STS: variants seen among roughly 807,000 people sequenced by gnomAD.
The protein encoded by STS is steryl-sulfatase.
STS carries 7 observed loss-of-function variants against 26.8 expected under a neutral mutation model. The observed-to-expected ratio is 0.26, with a 90% CI of 0.15 to 0.49. STS has a LOEUF of 0.49. STS is among the 20% of genes least tolerant of loss of function. STS has a pLI of 0.98. For missense variants in STS, 434 were observed against 465.6 expected, an observed-to-expected ratio of 0.93 and a Z score of 0.63; for synonymous variants, 199 against 189.4, an observed-to-expected ratio of 1.05 and a Z score of -0.42.
Position 7,174,449 on chromosome X carries a change from G to T in STS, c.-133-16431G>T, listed in dbSNP as rs753431416. ...TAAACTGCATGCAACTTCTGAAACT[G>T]TAATAACAGACATATTTACTCACCA... On this transcript the variant is annotated intron_variant, in intron 1 of 10. Transcript: ENST00000674429. Among the ~76,000 whole-genome samples, 3 of 111,706 alleles carry T rather than the reference G, an allele frequency of 2.7e-5. No individual in the cohort carries two copies. The South Asian group carries it at 1.1e-3, about 42-fold the overall frequency.
intron 1 of STS, among the ~76,000 whole-genome samples, chrX:7,182,800 G>C (rs1167429274): frequency 1.8e-5 from 2 of 110,877 alleles, no homozygotes; most frequent in Non-Finnish European, 3.8e-5. Flanking sequence ...CTTACAGAAG[G>C]GACCTTATAT....
Position 7,258,735 on chromosome X carries a change from A to G in STS, c.383-614A>G, listed in dbSNP as rs1159758578. Among the ~76,000 whole-genome samples, 4 of 111,248 alleles carry G rather than the reference A, an allele frequency of 3.6e-5. 1 individual carries two copies. The Admixed American group carries it at 3.8e-4, about 11-fold the overall frequency. On this transcript the variant is annotated intron_variant, in intron 5 of 10. Coordinates refer to ENST00000674429, the MANE Select transcript of STS (RefSeq NM_001320752.2). ...AATTAACATTTTATAAGAAATTTTC[A>G]GAGGTGCTTAAAATAATTGCTGAGT...
chrX:7,337,152 T>C (rs1928072764), intron 10 of STS, among the ~76,000 whole-genome samples: 2 of 112,408 alleles, frequency 1.8e-5, no homozygotes. Flanking sequence ...TATCTGAAAC[T>C]CAGCAACCAT....
intron 2 of STS, among the ~76,000 whole-genome samples, chrX:7,204,913 C>A (rs890076165): frequency 1.9e-5 from 2 of 107,750 alleles, no homozygotes. Flanking sequence ...CGCTCTCTCT[C>A]TTGCTCCCTA....
Position 7,353,344 on chromosome X carries a change from T to G in STS, c.*3083T>G, listed in dbSNP as rs1386112990. On this transcript the variant is annotated 3_prime_UTR_variant, in exon 11 of 11. Coordinates refer to ENST00000674429, the MANE Select transcript of STS (RefSeq NM_001320752.2). ...TTTTAAGGGGCCTACAAAAATGTTT[T>G]ATTTTATAATCAGAAGAAAAGGAAA... 2.7e-5 allele frequency: 3 copies of G among 111,647 alleles called. No individual in the cohort carries two copies. The highest frequency in any genetic ancestry group is 5.6e-5 in the Non-Finnish European group (3 of 53,194). The allele number at this position is 111,647 out of a possible 1,213,427, so 9.2% of individuals were successfully genotyped here.
chrX:7,194,893 G>A (rs192544885), intron 2 of STS, among the ~76,000 whole-genome samples: 13 of 111,431 alleles, frequency 1.2e-4, no homozygotes, highest in Non-Finnish European at 1.9e-4. Context: ...TACTATACAC[G>A]CAGACTGTAT....
intron 9 of STS, among the ~76,000 whole-genome samples, chrX:7,330,095 C>G (rs16984453): frequency 0.03 from 3,340 of 111,500 alleles, 113 homozygotes; most frequent in African/African-American, 0.1. Context: ...GTCCATCACC[C>G]TGGGCATATT....
At chrX:7,171,458 G>T (rs181070066) in intron 1 of STS, among the ~76,000 whole-genome samples, 37 of 111,594 alleles carry the variant, frequency 3.3e-4, no homozygotes, top group African/African-American at 1.1e-3. Flanking sequence ...GGAACCAATG[G>T]CCAATCAGCT....
intron 9 of STS, among the ~76,000 whole-genome samples, chrX:7,332,075 T>A (rs1371220942): frequency 9.0e-6 from 1 of 110,708 alleles, no homozygotes; most frequent in South Asian, 3.8e-4. Context: ...ATAATCATGA[T>A]CAATTTCAGT....
chrX:7,238,219 T>C (rs980264315), intron 2 of STS, among the ~76,000 whole-genome samples: 2 of 107,279 alleles, frequency 1.9e-5, no homozygotes, highest in Non-Finnish European at 3.8e-5. Flanking sequence ...GATAGATAGA[T>C]AGATAGCACA....
Position 7,257,338 on chromosome X carries a change from G to T in STS, c.234G>T (p.Met78Ile). 1 of 1,211,913 alleles carries T rather than the reference G, an allele frequency of 8.3e-7. No individual in the cohort carries two copies. The highest frequency in any genetic ancestry group is 1.8e-5 in the South Asian group (1 of 57,005). Residue 78 changes from methionine to isoleucine, a missense_variant, in exon 4 of 11, where the codon ATG becomes ATT. By Grantham distance (10) the Met-to-Ile change is conservative. Around this residue, in one of 2 missense-constraint regions of STS, gnomAD observed 229 missense variants for 288.3 expected, o/e 0.79. Transcript: ENST00000674429. Reference protein sequence around the residue: ...PLCTPSRAAFMTGRYPVRSGM... With the variant: ...PLCTPSRAAFITGRYPVRSGM... ...GCACACCAAGCAGGGCAGCCTTCATGACTGGCCGGTACCCTGTCCGATCAG... is the reference window on the plus strand; with the variant it reads ...GCACACCAAGCAGGGCAGCCTTCATTACTGGCCGGTACCCTGTCCGATCAG...
chrX:7,302,058 G>A (rs1157534022), intron 7 of STS, among the ~76,000 whole-genome samples: 1 of 111,646 alleles, frequency 9.0e-6, no homozygotes, highest in African/African-American at 3.3e-5. Context: ...AATTATTATG[G>A]GAGACACATT....
intron 6 of STS, among the ~76,000 whole-genome samples, chrX:7,260,646 G>T (rs1270001392): frequency 9.0e-6 from 1 of 111,283 alleles, no homozygotes; most frequent in Non-Finnish European, 1.9e-5. Flanking sequence ...CTGACCTCAG[G>T]TGATCCACCC....
At chrX:7,247,815 C>T (rs917510923) in intron 2 of STS, among the ~76,000 whole-genome samples, 5 of 111,701 alleles carry the variant, frequency 4.5e-5, no homozygotes, top group Non-Finnish European at 7.5e-5. Context: ...GGACAGGCCC[C>T]TACACTAACA....
At chrX:7,340,977 C>G (rs1231576315) in intron 10 of STS, among the ~76,000 whole-genome samples, 1 of 111,894 alleles carries the variant, frequency 8.9e-6, no homozygotes, top group Non-Finnish European at 1.9e-5. Flanking sequence ...TCACAGGAGG[C>G]TGCAAAGGAG....
chrX:7,276,158 A>G, intron 7 of STS, 71 bp downstream of exon 7: 1 of 1,171,555 alleles, frequency 8.5e-7, no homozygotes, highest in Non-Finnish European at 1.2e-6. Context: ...TTTCCTGTGT[A>G]TTTCTATCTT....
chrX:7,299,716 C>T (rs925762263), intron 7 of STS, among the ~76,000 whole-genome samples: 4 of 110,452 alleles, frequency 3.6e-5, no homozygotes, highest in Non-Finnish European at 7.6e-5. Flanking sequence ...GTGAGCACTC[C>T]CTGTACGGCC....
chrX:7,175,103 G>T (rs191298685), intron 1 of STS, among the ~76,000 whole-genome samples: 1 of 106,418 alleles, frequency 9.4e-6, no homozygotes, highest in East Asian at 2.9e-4. Flanking sequence ...TTCATATCAC[G>T]GTGATGGTGG....
At position 7,253,242 on chromosome X, in the gene STS, G is replaced by A. The variant is rs142475043; in HGVS notation, c.43G>A (p.Glu15Lys). The A allele has an allele frequency of 7.9e-5, 96 of 1,209,377 alleles. No homozygotes were observed. The highest frequency in any genetic ancestry group is 7.7e-4 in the African/African-American group (44 of 57,014). The change falls in exon 3 of 11, where the codon GAG becomes AAG. Residue 15 changes from glutamate (E) to lysine (K), a missense_variant. By Grantham distance (56) the Glu-to-Lys change is moderately conservative (BLOSUM62 1). Around this residue, in one of 2 missense-constraint regions of STS, gnomAD observed 229 missense variants for 288.3 expected, o/e 0.79. Transcript: ENST00000674429. ...CCTACTGTTCTTTCTGTGGGAAGCC[G>A]AGAGCCACGCAGCATCAAGGCCGAA... The part of the protein sequence containing the change: ...FLLLFFLWEA[E>K]SHAASRPNII...
Sources: gnomAD v4.1 joint callset for allele counts (sites outside exome capture counted in the v4.1 genomes callset) on GRCh38, gnomAD v4.1.1 for gene constraint, gnomAD v4.1.1 regional missense constraint, MANE v1.5 for transcripts, NCBI Gene and HGNC (gene_info 2026-07-23, HGNC 2026-07-21) for gene names.